Variants in TRAK1 observed in about 807,000 individuals in gnomAD.
The protein encoded by TRAK1 is trafficking kinesin-binding protein 1.
A neutral mutation model predicts 92.1 loss-of-function variants in TRAK1; 33 were observed. The ratio of observed to expected loss-of-function variants is 0.36; its 90% CI spans 0.27 to 0.48. The LOEUF is 0.48. Among genes scored for constraint, TRAK1 ranks in the 20% least tolerant of loss-of-function variants. The pLI, the probability that TRAK1 is intolerant of heterozygous loss-of-function variation, is 0.99. For synonymous variants in TRAK1, 521 were observed against 517.3 expected, an observed-to-expected ratio of 1.01 and a Z score of -0.10; for missense variants, 1,123 against 1,257.9, an observed-to-expected ratio of 0.89 and a Z score of 1.62.
chr3:42,151,890 C>A (rs1304503929), intron 2 of TRAK1, among the ~76,000 whole-genome samples: 1 of 152,118 alleles, frequency 6.6e-6, no homozygotes, highest in Non-Finnish European at 1.5e-5. Flanking sequence ...GAAGCTTTTA[C>A]AGAACTTTTG....
At chr3:42,197,857 C>A (rs1706972263) in intron 10 of TRAK1, among the ~76,000 whole-genome samples, 1 of 152,206 alleles carries the variant, frequency 6.6e-6, no homozygotes, top group Admixed American at 6.5e-5. Context: ...GGTGGATGCC[C>A]TGGAGTCCCC....
At position 42,194,939 on chromosome 3, in the gene TRAK1, A is replaced by T; in HGVS notation, c.1111A>T (p.Met371Leu). The change falls in exon 10 of 16, where the codon ATG (methionine) becomes TTG (leucine). Residue 371 changes from methionine to leucine, a missense_variant and splice_region_variant. This residue lies in a region of TRAK1 where 686 missense variants were observed against 747.6 expected (regional missense o/e 0.92). Transcript: ENST00000327628. ...RRYHSLGLFP[M>L]DSLAAEIEGT... The stretch of plus-strand genomic sequence containing the variant: ...CTACCACTCACTGGGCCTGTTTCCC[A>T]TGGTGAGCTGTGCTTTCTTCCCAGC... 1.2e-6 allele frequency: 2 copies of T among 1,613,600 alleles called. No individual in the cohort carries two copies. Among genetic ancestry groups the T allele is most frequent in the South Asian group, 1.1e-5 (1 of 90,902 alleles).
At chr3:42,139,711 T>C (rs1450141124) in intron 2 of TRAK1, among the ~76,000 whole-genome samples, 2 of 152,194 alleles carry the variant, frequency 1.3e-5, no homozygotes, top group African/African-American at 4.8e-5. Flanking sequence ...GAAAAATGCC[T>C]GGCAAGCAAT....
chr3:42,028,519 A>G (rs1702001666), intron 1 of TRAK1, among the ~76,000 whole-genome samples: 1 of 152,162 alleles, frequency 6.6e-6, no homozygotes, highest in African/African-American at 2.4e-5. Context: ...TGACTAGGGG[A>G]GAGAATGAGG....
At chr3:42,082,795 C>T (rs1704498993), upstream of TRAK1, among the ~76,000 whole-genome samples, 1 of 152,172 alleles carries the variant, frequency 6.6e-6, no homozygotes. Context: ...TGTCTAAGTA[C>T]AAGTTAAAGA....
chr3:42,174,185 G>A (rs1222894214), intron 2 of TRAK1, among the ~76,000 whole-genome samples: 3 of 151,962 alleles, frequency 2.0e-5, no homozygotes, highest in Non-Finnish European at 4.4e-5. Flanking sequence ...CACCACGGCT[G>A]GCTAATTTTT....
At position 42,168,590 on chromosome 3, in the gene TRAK1, C is replaced by CT. The variant is rs370639310; in HGVS notation, c.287-8215dup. On this transcript the variant is annotated intron_variant, in intron 2 of 15. Coordinates refer to ENST00000327628, the MANE Select transcript of TRAK1 (RefSeq NM_001042646.3). ...TCCTTGGCAACCACTAATCTGCTTT[C>CT]TTTTTTTTTGAGACAGAGTCTTCAC... Among the ~76,000 whole-genome samples, 35 of 151,458 alleles carry CT rather than the reference C, an allele frequency of 2.3e-4. 1 individual carries two copies. Among genetic ancestry groups the CT allele is most frequent in the Middle Eastern group, 3.4e-3 (1 of 294 alleles).
chr3:42,188,181 A>G (rs374226837), intron 5 of TRAK1, 36 bp downstream of exon 5: 1 of 1,594,596 alleles, frequency 6.3e-7, no homozygotes, highest in Non-Finnish European at 8.6e-7. Flanking sequence ...TGGAGGCCAG[A>G]GCACAGGCTG....
At chr3:42,196,501 C>T (rs925629747) in intron 10 of TRAK1, among the ~76,000 whole-genome samples, 1 of 151,660 alleles carries the variant, frequency 6.6e-6, no homozygotes, top group Non-Finnish European at 1.5e-5. Context: ...CATTAGAAAT[C>T]ACAGGTATTT....
chr3:42,107,567 A>G (rs899287577), intron 1 of TRAK1, among the ~76,000 whole-genome samples: 1 of 152,066 alleles, frequency 6.6e-6, no homozygotes, highest in Admixed American at 6.6e-5. Context: ...ACTTCATCTG[A>G]ACTCCCAGAT....
At chr3:42,052,941 G>T (rs540022268) in intron 1 of TRAK1, among the ~76,000 whole-genome samples, 3 of 152,292 alleles carry the variant, frequency 2.0e-5, no homozygotes, top group African/African-American at 7.2e-5. Flanking sequence ...ATTTGGAGTT[G>T]TTGGTGCTAC....
chr3:42,149,507 C>G, intron 2 of TRAK1: 3 of 1,536,048 alleles, frequency 2.0e-6, no homozygotes, highest in Non-Finnish European at 2.6e-6. Flanking sequence ...GCTGTGAAGT[C>G]CATTCTTTCC....
intron 1 of TRAK1, among the ~76,000 whole-genome samples, chr3:42,066,044 G>T (rs1703661956): frequency 6.6e-6 from 1 of 152,188 alleles, no homozygotes. Flanking sequence ...TTTTAGTTGA[G>T]GCTGGGTCCA....
upstream of TRAK1, among the ~76,000 whole-genome samples, chr3:42,087,704 C>G (rs527645429): frequency 2.4e-4 from 37 of 152,322 alleles, no homozygotes; most frequent in African/African-American, 8.4e-4. Context: ...GCAAGCATGG[C>G]CCATCACAGG....
intron 1 of TRAK1, among the ~76,000 whole-genome samples, chr3:42,120,147 C>A (rs1023544350): frequency 6.6e-6 from 1 of 152,124 alleles, no homozygotes; most frequent in African/African-American, 2.4e-5. Context: ...GGCAAGGAGG[C>A]GATGCCGAGG....
intron 1 of TRAK1, among the ~76,000 whole-genome samples, chr3:42,114,424 G>A (rs1248710240): frequency 1.3e-5 from 2 of 152,218 alleles, no homozygotes; most frequent in East Asian, 1.9e-4. Context: ...TTTGTCACGT[G>A]TACCGTAAAC....
At chr3:42,142,881 C>T (rs747282550) in intron 2 of TRAK1, among the ~76,000 whole-genome samples, 7 of 152,170 alleles carry the variant, frequency 4.6e-5, no homozygotes, top group Non-Finnish European at 8.8e-5. Context: ...GTGCATGGTA[C>T]GTGCATGGTA....
Position 42,200,961 on chromosome 3 carries a change from C to G in TRAK1, c.1334C>G (p.Pro445Arg), listed in dbSNP as rs776063066. ...CTCCTGTCCAGCTGCGTCAGCACCCCCCGGTCCAGCTTCTACGGCAGCGAC... is the reference window on the plus strand; with the variant it reads ...CTCCTGTCCAGCTGCGTCAGCACCCGCCGGTCCAGCTTCTACGGCAGCGAC... The part of the protein sequence containing the change: ...NSLLSSCVST[P>R]RSSFYGSDIG... Residue 445 changes from proline (P) to arginine (R), a missense_variant, in exon 12 of 16, where the codon CCC (proline) becomes CGC (arginine). By Grantham distance (103) the Pro-to-Arg change is moderately radical. Around this residue, in one of 3 missense-constraint regions of TRAK1, gnomAD observed 686 missense variants for 747.6 expected, o/e 0.92. Coordinates refer to ENST00000327628, the MANE Select transcript of TRAK1 (RefSeq NM_001042646.3). 25 of 1,614,072 alleles carry G rather than the reference C, an allele frequency of 1.5e-5. No homozygotes were observed. Among genetic ancestry groups the G allele is most frequent in the Non-Finnish European group, 2.0e-5 (24 of 1,180,044 alleles).
chr3:42,145,440 G>A (rs1209694185), intron 2 of TRAK1, among the ~76,000 whole-genome samples: 3 of 150,362 alleles, frequency 2.0e-5, no homozygotes, highest in Admixed American at 1.3e-4. Context: ...AGCCAAGATT[G>A]TGCCACTGCA....
Sources: gnomAD v4.1 joint callset for allele counts (sites outside exome capture counted in the v4.1 genomes callset) on GRCh38, gnomAD v4.1.1 for gene constraint, gnomAD v4.1.1 regional missense constraint, MANE v1.5 for transcripts, NCBI Gene and HGNC (gene_info 2026-07-23, HGNC 2026-07-21) for gene names.